PIGX: variants seen among roughly 807,000 people sequenced by gnomAD.
The protein encoded by PIGX is phosphatidylinositol glycan anchor biosynthesis class X, also known as GPI alpha-1,4-mannosyltransferase I, stabilizing subunit.
A neutral mutation model predicts 28.7 loss-of-function variants in PIGX; 24 were observed. The observed-to-expected ratio is 0.84, with a 90% CI of 0.60 to 1.17. The LOEUF (loss-of-function observed/expected upper bound fraction) is 1.17, where lower values mean the gene tolerates loss of function less well. PIGX is among the 50% of genes most tolerant of loss of function. The probability of loss-of-function intolerance (pLI) is 0.00; values close to 1 mark genes in which losing one functional copy is unlikely to be tolerated. For missense variants in PIGX, 305 were observed against 317.8 expected (o/e 0.96, Z 0.31); for synonymous variants, 127 against 121.0 (o/e 1.05, Z -0.33).
intron 5 of PIGX, among the ~76,000 whole-genome samples, chr3:196,732,281 TTATTTTA>T (rs1308582366): frequency 0.061 from 5,475 of 89,920 alleles, 491 homozygotes; most frequent in East Asian, 0.13. Context: ...ATTTTTTTTT[TTATTTTA>T]TTTTTTTTTT....
At position 196,712,570 on chromosome 3, in the gene PIGX, G is replaced by C; in HGVS notation, c.38G>C (p.Trp13Ser). 2 of 1,188,386 alleles carry C rather than the reference G, an allele frequency of 1.7e-6. No homozygotes were observed. The highest frequency in any genetic ancestry group is 3.4e-4 in the Middle Eastern group (1 of 2,954). The allele number at this position is 1,188,386 out of a possible 1,614,324, so 73.6% of individuals were successfully genotyped here. Reference sequence around the variant, plus strand: ...GTGGCGGCGGTTCGGGCGGCCGCCTGGCTGCTCCTCGGGGCGGCGACCGGG... The same window carrying C: ...GTGGCGGCGGTTCGGGCGGCCGCCTCGCTGCTCCTCGGGGCGGCGACCGGG... The change falls in exon 1 of 6, where the codon TGG (tryptophan) becomes TCG (serine). Residue 13 changes from tryptophan (W) to serine (S), a missense_variant. By Grantham distance (177) the Trp-to-Ser change is radical. Coordinates refer to ENST00000392391, the MANE Select transcript of PIGX (RefSeq NM_017861.4).
chr3:196,730,880 A>G, intron 4 of PIGX, 112 bp from the exon 5 acceptor site: 2 of 596,072 alleles, frequency 3.4e-6, no homozygotes, highest in Middle Eastern at 5.3e-4. Context: ...TCCAGATCAT[A>G]TACATAATGT....
chr3:196,721,636 A>G (rs1031212123), intron 2 of PIGX, among the ~76,000 whole-genome samples: 4 of 151,786 alleles, frequency 2.6e-5, no homozygotes, highest in Non-Finnish European at 5.9e-5. Context: ...GGGTCTCTCC[A>G]TATTGCTTAG....
intron 2 of PIGX, among the ~76,000 whole-genome samples, chr3:196,719,490 A>G (rs1012550270): frequency 1.3e-5 from 2 of 152,110 alleles, no homozygotes; most frequent in Non-Finnish European, 1.5e-5. Context: ...ATTTTATCTC[A>G]ATTTTTGGAT....
chr3:196,724,979 A>G (rs375892156), intron 3 of PIGX, among the ~76,000 whole-genome samples: 1 of 152,244 alleles, frequency 6.6e-6, no homozygotes, highest in East Asian at 1.9e-4. Context: ...GTGGTGTGCC[A>G]GCAAAATGCT....
intron 2 of PIGX, among the ~76,000 whole-genome samples, chr3:196,720,676 C>T (rs1248989174): frequency 1.3e-5 from 2 of 152,130 alleles, no homozygotes; most frequent in Non-Finnish European, 2.9e-5. Context: ...ATTTGTCTAG[C>T]AATCATATTT....
intron 2 of PIGX, among the ~76,000 whole-genome samples, chr3:196,720,035 C>T (rs59393774): frequency 2.2e-3 from 328 of 152,358 alleles, no homozygotes; most frequent in African/African-American, 6.3e-3. Context: ...GCTTCGGCCT[C>T]CCGAAGTGTG....
intron 4 of PIGX, among the ~76,000 whole-genome samples, chr3:196,729,409 C>T (rs1422685770): frequency 6.0e-5 from 9 of 150,486 alleles, no homozygotes; most frequent in African/African-American, 2.2e-4. Flanking sequence ...TTCTTTCTTT[C>T]TTATTTTTTT....
At chr3:196,720,037 C>G (rs934106113) in intron 2 of PIGX, among the ~76,000 whole-genome samples, 1 of 152,244 alleles carries the variant, frequency 6.6e-6, no homozygotes, top group Non-Finnish European at 1.5e-5. Flanking sequence ...TTCGGCCTCC[C>G]GAAGTGTGGG....
intron 5 of PIGX, among the ~76,000 whole-genome samples, chr3:196,732,256 A>ATATATATT (rs1438652673): frequency 4.3e-5 from 1 of 23,252 alleles, no homozygotes; most frequent in Admixed American, 6.1e-4. Flanking sequence ...ATATATATAT[A>ATATATATT]TTTTATTTTA....
rs1025337431 is a variant in PIGX, at chr3:196,734,651, G to A, written c.*749G>A. The A allele has an allele frequency of 2.0e-5, 3 of 152,154 alleles. No individual in the cohort carries two copies. Among genetic ancestry groups the A allele is most frequent in the Non-Finnish European group, 4.4e-5 (3 of 68,028 alleles). 9.4% of individuals were successfully genotyped at this position (152,154 alleles called of 1,614,324 possible). ...AATGTCATGAGACTATTAAAGATGTGCCAGAGTTTCAATGAAAATCATTAA... is the reference window on the plus strand; with the variant it reads ...AATGTCATGAGACTATTAAAGATGTACCAGAGTTTCAATGAAAATCATTAA... On this transcript the variant is annotated 3_prime_UTR_variant, in exon 6 of 6. Coordinates refer to ENST00000392391, the MANE Select transcript of PIGX (RefSeq NM_017861.4).
chr3:196,732,250 A>ATT (rs1233871779), intron 5 of PIGX, among the ~76,000 whole-genome samples: 11 of 25,170 alleles, frequency 4.4e-4, no homozygotes, highest in African/African-American at 2.4e-3. Flanking sequence ...ATATATATAT[A>ATT]TATATATTTT....
intron 1 of PIGX, among the ~76,000 whole-genome samples, chr3:196,713,934 C>A (rs1303440299): frequency 6.6e-6 from 1 of 151,832 alleles, no homozygotes; most frequent in Non-Finnish European, 1.5e-5. Context: ...GGTAAATTCA[C>A]ATTCAACAAA....
rs1712126156 is a variant in PIGX, at chr3:196,717,051, A to T, written c.176+130A>T. The T allele has an allele frequency of 2.7e-5, 16 of 587,906 alleles. No homozygotes were observed. In the South Asian group the frequency reaches 3.0e-4, roughly 11 times the overall value. The allele number at this position is 587,906 out of a possible 1,614,324, so 36.4% of individuals were successfully genotyped here. On this transcript the variant is annotated intron_variant, in intron 2 of 5. Coordinates refer to ENST00000392391, the MANE Select transcript of PIGX (RefSeq NM_017861.4). Reference sequence around the variant, plus strand: ...TGCGGTGGCTCTCATCTGTAATCCCAACACTTTGGGAGGCCGAGGCAGGCG... The same window carrying T: ...TGCGGTGGCTCTCATCTGTAATCCCTACACTTTGGGAGGCCGAGGCAGGCG...
At position 196,732,284 on chromosome 3, in the gene PIGX, T is replaced by A. The variant is rs1424239696; in HGVS notation, c.633+1192T>A. 3.4e-3 allele frequency among the ~76,000 whole-genome samples: 249 copies of A among 74,158 alleles called. 18 individuals are homozygous for A. Among genetic ancestry groups the A allele is most frequent in the African/African-American group, 0.015 (240 of 15,622 alleles). The allele number at this position is 74,158 out of a possible 152,430, so 48.7% of individuals were successfully genotyped here. On this transcript the variant is annotated intron_variant, in intron 5 of 5. Transcript: ENST00000392391. ...TTATTTTATTTTATTTTTTTTTTTA[T>A]TTTATTTTTTTTTTTGAGACGGAGT...
chr3:196,720,088 G>A (rs959946182), intron 2 of PIGX, among the ~76,000 whole-genome samples: 5 of 152,134 alleles, frequency 3.3e-5, no homozygotes, highest in African/African-American at 7.2e-5. Flanking sequence ...TAATTTTAAC[G>A]ATTTGTAAGT....
rs1365956591 is a variant in PIGX at position 196,719,337 on chromosome 3, TTTA to T, written c.176+2424_176+2426del. ...AAATTGAGTATTTATTTTTTATTTTTTTATTATTATACTTTAAGTTCTAGGGTA... is the reference window on the plus strand; with the variant it reads ...AAATTGAGTATTTATTTTTTATTTTTTTATTATACTTTAAGTTCTAGGGTA... On this transcript the variant is annotated intron_variant, in intron 2 of 5. Coordinates refer to ENST00000392391, the MANE Select transcript of PIGX (RefSeq NM_017861.4). Among the ~76,000 whole-genome samples the T allele has an allele frequency of 5.9e-5, 9 of 152,280 alleles. No individual in the cohort carries two copies. The East Asian group carries it at 1.2e-3, about 20-fold the overall frequency.
intron 3 of PIGX, among the ~76,000 whole-genome samples, chr3:196,724,246 C>A (rs1712438357): frequency 6.6e-6 from 1 of 152,014 alleles, no homozygotes; most frequent in Non-Finnish European, 1.5e-5. Context: ...AACTCCTGAC[C>A]TCAGGTTATC....
At chr3:196,723,735 A>G (rs1369596766) in intron 3 of PIGX, among the ~76,000 whole-genome samples, 1 of 151,948 alleles carries the variant, frequency 6.6e-6, no homozygotes, top group East Asian at 1.9e-4. Context: ...TCTACTTACG[A>G]ATTTTTAAAA....
Sources: gnomAD v4.1 joint callset for allele counts (sites outside exome capture counted in the v4.1 genomes callset) on GRCh38, gnomAD v4.1.1 for gene constraint, MANE v1.5 for transcripts, NCBI Gene and HGNC (gene_info 2026-07-23, HGNC 2026-07-21) for gene names.